Variants in BLZF1 observed in about 807,000 individuals in gnomAD.
BLZF1 encodes golgin-45.
BLZF1 carries 39 observed loss-of-function variants against 43.8 expected under a neutral mutation model. The observed-to-expected ratio is 0.89, with a 90% CI of 0.69 to 1.16. The LOEUF is 1.16. Among genes scored for constraint, BLZF1 ranks in the 50% most tolerant of loss-of-function variants. The probability of loss-of-function intolerance (pLI) is 0.00; values close to 1 mark genes in which losing one functional copy is unlikely to be tolerated. For synonymous variants in BLZF1, 136 were observed against 159.4 expected, an observed-to-expected ratio of 0.85 and a Z score of 1.11; for missense variants, 449 against 469.8, an observed-to-expected ratio of 0.96 and a Z score of 0.41.
At chr1:169,389,652 A>G (rs1009321563), downstream of BLZF1, among the ~76,000 whole-genome samples, 1 of 152,222 alleles carries the variant, frequency 6.6e-6, no homozygotes, top group African/African-American at 2.4e-5. Flanking sequence ...TATTTGTACA[A>G]CAGTGTTCAC....
chr1:169,385,074 G>C (rs764732715), intron 6 of BLZF1, among the ~76,000 whole-genome samples: 1 of 152,088 alleles, frequency 6.6e-6, no homozygotes, highest in Non-Finnish European at 1.5e-5. Context: ...TGGTATAGTT[G>C]ACCACTCCCT....
chr1:169,388,613 A>G (rs1654737581), downstream of BLZF1, among the ~76,000 whole-genome samples: 1 of 152,244 alleles, frequency 6.6e-6, no homozygotes, highest in Non-Finnish European at 1.5e-5. Flanking sequence ...TTTGCAAATC[A>G]TATATCTGAT....
chr1:169,374,895 A>G (rs1654245803), intron 2 of BLZF1, among the ~76,000 whole-genome samples: 1 of 152,100 alleles, frequency 6.6e-6, no homozygotes, highest in South Asian at 2.1e-4. Flanking sequence ...AACAGTTTAC[A>G]TGTATTCTTA....
chr1:169,395,042 A>G (rs1482855012), intron 7 of BLZF1: 1 of 1,579,436 alleles, frequency 6.3e-7, no homozygotes, highest in East Asian at 2.3e-5. Flanking sequence ...ATTTAATAGA[A>G]ACTTTCAGTT....
intron 6 of BLZF1, among the ~76,000 whole-genome samples, chr1:169,384,700 A>G (rs949068262): frequency 6.6e-6 from 1 of 151,904 alleles, no homozygotes. Context: ...TTGTTGCCCA[A>G]CCTCTGTACC....
At chr1:169,380,714 C>T in intron 5 of BLZF1, 105 bp downstream of exon 5, 1 of 1,301,072 alleles carries the variant, frequency 7.7e-7, no homozygotes, top group South Asian at 1.4e-5. Context: ...GGTGTGTCTA[C>T]ATTTGATAAC....
In BLZF1 at chr1:169,387,191, A is replaced by G. The variant is rs1238618639; in HGVS notation, c.*9A>G. ...AACTGATTGCCCTTTAACAGTCAAT[A>G]TGTTGGAGGCATGCTAAGGTACTTC... On this transcript the variant is annotated 3_prime_UTR_variant, in exon 7 of 7. Transcript: ENST00000367808. The G allele has an allele frequency of 3.7e-6, 6 of 1,609,290 alleles. No homozygotes were observed. In the Admixed American group the frequency reaches 1.0e-4, roughly 27 times the overall value.
chr1:169,375,024 C>T (rs78524832), intron 2 of BLZF1, among the ~76,000 whole-genome samples: 6,564 of 151,850 alleles, frequency 0.043, 207 homozygotes, highest in East Asian at 0.12. Context: ...GCATTTCGGC[C>T]GTACAGATCT....
chr1:169,395,875 GTTGT>G (rs1654996641), intron 7 of BLZF1: 2 of 114,858 alleles, frequency 1.7e-5, no homozygotes, highest in Admixed American at 1.9e-4. Context: ...ACCTGGTTTT[GTTGT>G]TTTTTTTTTT....
chr1:169,395,334 T>A (rs1557855246), intron 7 of BLZF1: 5 of 773,004 alleles, frequency 6.5e-6, no homozygotes, highest in Non-Finnish European at 9.3e-6. Flanking sequence ...CAGCACAAAT[T>A]TTTAAGTATT....
chr1:169,385,647 C>A (rs1042191071), intron 6 of BLZF1, among the ~76,000 whole-genome samples: 1 of 152,168 alleles, frequency 6.6e-6, no homozygotes. Context: ...CTTTGCTTAT[C>A]CTCTAATACC....
intron 2 of BLZF1, among the ~76,000 whole-genome samples, chr1:169,375,783 GTTTATAACATATATACA>G (rs1654298848): frequency 6.6e-6 from 1 of 150,848 alleles, no homozygotes; most frequent in South Asian, 2.1e-4. Flanking sequence ...TTCATTTATT[GTTTATAACATATATACA>G]TATATATATA....
At chr1:169,381,888 T>C (rs1654536930) in intron 5 of BLZF1, among the ~76,000 whole-genome samples, 174 bp from the exon 6 acceptor site, 1 of 152,208 alleles carries the variant, frequency 6.6e-6, no homozygotes, top group Non-Finnish European at 1.5e-5. Flanking sequence ...ACATATGCTT[T>C]CTGTAGTCTA....
At chr1:169,371,757 G>C (rs1417257759) in intron 2 of BLZF1, among the ~76,000 whole-genome samples, 2 of 152,100 alleles carry the variant, frequency 1.3e-5, no homozygotes, top group Non-Finnish European at 2.9e-5. Context: ...AGCTTTTCTT[G>C]GATGTGGGAT....
intron 2 of BLZF1, among the ~76,000 whole-genome samples, chr1:169,372,303 C>T (rs1654149469): frequency 1.3e-5 from 2 of 152,002 alleles, no homozygotes; most frequent in Admixed American, 1.3e-4. Flanking sequence ...GAAAGTCTTT[C>T]AGACTATAAC....
chr1:169,371,392 TAG>T (rs1277319127), intron 2 of BLZF1, among the ~76,000 whole-genome samples: 1 of 152,232 alleles, frequency 6.6e-6, no homozygotes, highest in Admixed American at 6.5e-5. Flanking sequence ...TAATGAGGAT[TAG>T]AGTTATAAGG....
intron 6 of BLZF1, 125 bp from the exon 7 acceptor site, chr1:169,386,870 TTC>T: frequency 9.7e-6 from 6 of 616,086 alleles, no homozygotes; most frequent in Middle Eastern, 4.4e-4. Flanking sequence ...AGATTAGTCA[TTC>T]TGTTTTTTTA....
downstream of BLZF1, among the ~76,000 whole-genome samples, chr1:169,391,105 A>G (rs955687574): frequency 3.3e-5 from 5 of 152,230 alleles, no homozygotes; most frequent in African/African-American, 1.2e-4. Flanking sequence ...CACAAGGGGA[A>G]GTGCACTCGG....
At chr1:169,392,708 T>TA (rs1232199771), downstream of BLZF1, among the ~76,000 whole-genome samples, 5 of 152,106 alleles carry the variant, frequency 3.3e-5, no homozygotes, top group African/African-American at 7.2e-5. Context: ...ACCAAGTAAT[T>TA]AGAGAGTAGA....
Sources: gnomAD v4.1 joint callset for allele counts (sites outside exome capture counted in the v4.1 genomes callset) on GRCh38, gnomAD v4.1.1 for gene constraint, MANE v1.5 for transcripts, NCBI Gene and HGNC (gene_info 2026-07-23, HGNC 2026-07-21) for gene names.